BCL7C: variants seen among roughly 807,000 people sequenced by gnomAD.
The protein encoded by BCL7C is BAF chromatin remodeling complex subunit BCL7C.
Under a neutral mutation model 26.2 loss-of-function variants are expected in BCL7C, and 8 were observed. The observed-to-expected ratio is 0.30, with a 90% CI of 0.18 to 0.55. The LOEUF (loss-of-function observed/expected upper bound fraction) is 0.55. BCL7C is among the 20% of genes least tolerant of loss of function. The pLI, the probability that BCL7C is intolerant of heterozygous loss-of-function variation, is 0.93. For missense variants in BCL7C, 262 were observed against 298.5 expected, an observed-to-expected ratio of 0.88 and a Z score of 0.90; for synonymous variants, 90 against 116.5, an observed-to-expected ratio of 0.77 and a Z score of 1.47.
chr16:30,877,694 C>G (rs1363511829), intron 5 of BCL7C, among the ~76,000 whole-genome samples: 1 of 152,018 alleles, frequency 6.6e-6, no homozygotes, highest in African/African-American at 2.4e-5. Flanking sequence ...CCGCCTCGGC[C>G]TCCCAAAGTG....
At chr16:30,842,128 G>T (rs2054606529) in intron 5 of BCL7C, among the ~76,000 whole-genome samples, 1 of 152,040 alleles carries the variant, frequency 6.6e-6, no homozygotes, top group Admixed American at 6.6e-5. Flanking sequence ...TTACAGTGAA[G>T]TTGTTAGGGT....
chr16:30,865,124 C>A (rs953203024), intron 5 of BCL7C, among the ~76,000 whole-genome samples: 2 of 145,502 alleles, frequency 1.4e-5, no homozygotes, highest in Non-Finnish European at 3.0e-5. Context: ...GCCGAGATCA[C>A]GTCACTGCAC....
At chr16:30,860,160 C>A (rs1294171538) in intron 5 of BCL7C, among the ~76,000 whole-genome samples, 2 of 152,230 alleles carry the variant, frequency 1.3e-5, no homozygotes, top group Non-Finnish European at 2.9e-5. Context: ...ACATTTTATC[C>A]GTGGACCCAA....
At chr16:30,846,278 T>C (rs1248628946) in intron 5 of BCL7C, among the ~76,000 whole-genome samples, 1 of 150,324 alleles carries the variant, frequency 6.7e-6, no homozygotes, top group Non-Finnish European at 1.5e-5. Context: ...CAGGCTGGAG[T>C]GCAGTGGCGC....
At chr16:30,835,564 G>C (rs967810199) in intron 5 of BCL7C, among the ~76,000 whole-genome samples, 2 of 152,130 alleles carry the variant, frequency 1.3e-5, no homozygotes, top group Admixed American at 1.3e-4. Flanking sequence ...GAAAACTTTT[G>C]GCCGGGCTCG....
chr16:30,875,111 C>T (rs899546885), intron 5 of BCL7C: 12 of 153,838 alleles, frequency 7.8e-5, no homozygotes, highest in Non-Finnish European at 1.3e-4. Flanking sequence ...AAGCCGCCCG[C>T]CCCCAGCTCG....
intron 5 of BCL7C, among the ~76,000 whole-genome samples, chr16:30,849,721 G>A (rs1421631192): frequency 6.6e-6 from 1 of 151,142 alleles, no homozygotes; most frequent in African/African-American, 2.4e-5. Flanking sequence ...AAAGTGTTGG[G>A]ATTATAGGCA....
chr16:30,878,525 C>T (rs1420020212), intron 5 of BCL7C, among the ~76,000 whole-genome samples: 1 of 148,822 alleles, frequency 6.7e-6, no homozygotes, highest in Non-Finnish European at 1.5e-5. Flanking sequence ...GGCGACAGAG[C>T]GAGACTCTAT....
At chr16:30,859,869 G>A (rs2054754982) in intron 5 of BCL7C, among the ~76,000 whole-genome samples, 1 of 152,200 alleles carries the variant, frequency 6.6e-6, no homozygotes, top group Admixed American at 6.5e-5. Flanking sequence ...TCACACAAAT[G>A]CACATGACAT....
In BCL7C at chr16:30,840,057, C is replaced by T. The variant is rs149937258; in HGVS notation, c.529-4909G>A. On this transcript the variant is annotated intron_variant, in intron 5 of 5. Transcript: ENST00000380317. ...AGATCTACAGGTGTAACATTACTGA[C>T]CTTCCCCCACCTCCTGACTTACTTA... 5.3e-3 allele frequency among the ~76,000 whole-genome samples: 813 copies of T among 152,106 alleles called. 7 individuals carry two copies. The highest frequency in any genetic ancestry group is 8.7e-3 in the Non-Finnish European group (591 of 67,994).
rs879294050 is a variant in BCL7C at position 30,866,585 on chromosome 16, A to T, written c.528+22275T>A. ...TAGCGAGACTGTCTGGAAAAAAAAA[A>T]AAAAGGTGGGGGGGTGGGAATTAAC... On this transcript the variant is annotated intron_variant, in intron 5 of 5. Coordinates refer to the BCL7C transcript ENST00000380317. 4.9e-3 allele frequency among the ~76,000 whole-genome samples: 745 copies of T among 151,784 alleles called. 2 individuals carry two copies. Among genetic ancestry groups the T allele is most frequent in the Non-Finnish European group, 9.0e-3 (609 of 67,932 alleles).
intron 5 of BCL7C, among the ~76,000 whole-genome samples, chr16:30,880,527 G>A (rs1385882328): frequency 7.3e-6 from 1 of 136,486 alleles, no homozygotes; most frequent in Non-Finnish European, 1.6e-5. Context: ...GTGAAACCCC[G>A]TCTCTACTAA....
chr16:30,879,700 A>AAAAAAAAAAAAAAAAAAAAAAAAAAC (rs758573108), intron 5 of BCL7C, among the ~76,000 whole-genome samples: 18 of 135,090 alleles, frequency 1.3e-4, no homozygotes, highest in Non-Finnish European at 2.9e-4. Flanking sequence ...AAAAAAAAAA[A>AAAAAAAAAAAAAAAAAAAAAAAAAAC]AAAAAAAAAC....
At chr16:30,888,312 G>A (rs1003735989) in intron 5 of BCL7C, among the ~76,000 whole-genome samples, 1 of 152,130 alleles carries the variant, frequency 6.6e-6, no homozygotes. Context: ...ATGCATGGAG[G>A]AGCGCCATGA....
chr16:30,846,500 T>A (rs1252373726), intron 5 of BCL7C, among the ~76,000 whole-genome samples: 1 of 152,084 alleles, frequency 6.6e-6, no homozygotes, highest in African/African-American at 2.4e-5. Flanking sequence ...GTTCTGGGAT[T>A]ACAGGCATGA....
intron 5 of BCL7C, among the ~76,000 whole-genome samples, chr16:30,843,910 C>T (rs970063550): frequency 3.3e-5 from 5 of 151,906 alleles, no homozygotes; most frequent in Non-Finnish European, 5.9e-5. Context: ...CATTGTGGCA[C>T]ATGCCTGTAA....
At chr16:30,890,426 C>T (rs2055208040) in intron 4 of BCL7C, among the ~76,000 whole-genome samples, 1 of 151,810 alleles carries the variant, frequency 6.6e-6, no homozygotes, top group Non-Finnish European at 1.5e-5. Flanking sequence ...CTGATGAGGA[C>T]ACAGGCCCAA....
intron 5 of BCL7C, among the ~76,000 whole-genome samples, chr16:30,838,808 A>AC (rs1479946284): frequency 1.3e-5 from 2 of 152,010 alleles, no homozygotes; most frequent in Middle Eastern, 6.3e-3. Context: ...AACAAAAAAA[A>AC]CCCCCAAATA....
intron 5 of BCL7C, among the ~76,000 whole-genome samples, chr16:30,873,954 T>TACACACACACACACACACAC (rs145435913): frequency 0.017 from 2,410 of 137,718 alleles, 75 homozygotes; most frequent in African/African-American, 0.061. Context: ...GATATATGTA[T>TACACACACACACACACACAC]ACACACACAC....
Sources: gnomAD v4.1 joint callset for allele counts (sites outside exome capture counted in the v4.1 genomes callset) on GRCh38, gnomAD v4.1.1 for gene constraint, MANE v1.5 for transcripts, NCBI Gene and HGNC (gene_info 2026-07-23, HGNC 2026-07-21) for gene names.